Variants in TAFA5 observed in about 807,000 individuals in gnomAD.
TAFA5 encodes the protein TAFA chemokine like family member 5.
TAFA5 carries 6 observed loss-of-function variants against 15.3 expected under a neutral mutation model. The observed-to-expected ratio is 0.39, with a 90% CI of 0.21 to 0.77. TAFA5 has a LOEUF of 0.77. Ranked by LOEUF, TAFA5 falls within the 30% of genes least tolerant of loss-of-function variation. The pLI is 0.41. For missense variants in TAFA5, 161 were observed against 193.1 expected (o/e 0.83, Z 0.98); for synonymous variants, 103 against 80.7 (o/e 1.28, Z -1.48).
intron 2 of TAFA5, among the ~76,000 whole-genome samples, chr22:48,655,373 G>A (rs9617479): frequency 0.65 from 98,555 of 152,084 alleles, 32,692 homozygotes; most frequent in South Asian, 0.77. Flanking sequence ...TGGGTAATTT[G>A]TAAAGAAAAG....
At chr22:48,603,338 C>A (rs1232202225) in intron 1 of TAFA5, among the ~76,000 whole-genome samples, 3 of 152,246 alleles carry the variant, frequency 2.0e-5, no homozygotes, top group African/African-American at 7.2e-5. Context: ...AGATGAGATG[C>A]CCACCTGAGG....
rs559473394 is a variant in TAFA5, at chr22:48,567,314, TCCGAGGACTGCGGGTAGCAGGCTCCC to T, written c.112+77611_112+77636del. ...GGGCCCTCGTGTGTGCCCATCTGTT[TCCGAGGACTGCGGGTAGCAGGCTCCC>T]GCCCCAGGCTGAGTGCTTTCCTCCC... On this transcript the variant is annotated intron_variant, in intron 1 of 3. Coordinates refer to ENST00000402357, the MANE Select transcript of TAFA5 (RefSeq NM_001082967.3). Among the ~76,000 whole-genome samples the T allele has an allele frequency of 4.1e-3, 618 of 152,346 alleles. 3 individuals carry two copies. The highest frequency in any genetic ancestry group is 0.014 in the African/African-American group (595 of 41,590).
At chr22:48,567,334 G>A (rs1923440624) in intron 1 of TAFA5, among the ~76,000 whole-genome samples, 1 of 150,986 alleles carries the variant, frequency 6.6e-6, no homozygotes, top group Admixed American at 6.6e-5. Context: ...GCGGGTAGCA[G>A]GCTCCCGCCC....
At chr22:48,502,410 C>G (rs1003900574) in intron 1 of TAFA5, among the ~76,000 whole-genome samples, 3 of 127,170 alleles carry the variant, frequency 2.4e-5, no homozygotes, top group Non-Finnish European at 4.8e-5. Context: ...TCTGGGGGAG[C>G]TGGGAGTACT....
chr22:48,557,554 C>T (rs561161397), intron 1 of TAFA5, among the ~76,000 whole-genome samples: 2 of 152,330 alleles, frequency 1.3e-5, no homozygotes, highest in Admixed American at 6.5e-5. Flanking sequence ...GAGGTGACCA[C>T]GGCGGCTCCT....
At position 48,644,241 on chromosome 22, in the gene TAFA5, C is replaced by G. The variant is rs144559234; in HGVS notation, c.113-2356C>G. ...GGGGAGGGGGCCCCGAGCGGGGGACCAGGGTTTTGCTCATCGTGGGAGGGG... is the reference window on the plus strand; with the variant it reads ...GGGGAGGGGGCCCCGAGCGGGGGACGAGGGTTTTGCTCATCGTGGGAGGGG... On this transcript the variant is annotated intron_variant, in intron 1 of 3. Coordinates refer to ENST00000402357, the MANE Select transcript of TAFA5 (RefSeq NM_001082967.3). 2.1e-3 allele frequency among the ~76,000 whole-genome samples: 319 copies of G among 152,314 alleles called. 7 individuals carry two copies. In the East Asian group the frequency reaches 0.052, roughly 25 times the overall value.
At chr22:48,597,962 G>C (rs557375094) in intron 1 of TAFA5, among the ~76,000 whole-genome samples, 172 of 152,336 alleles carry the variant, frequency 1.1e-3, no homozygotes, top group Admixed American at 2.1e-3. Context: ...CCTCCATGGT[G>C]GGGGGAGTGT....
intron 3 of TAFA5, among the ~76,000 whole-genome samples, chr22:48,738,923 GCTC>G (rs908948798): frequency 3.9e-5 from 6 of 152,194 alleles, no homozygotes; most frequent in Non-Finnish European, 5.9e-5. Context: ...ATTGTCACCG[GCTC>G]CTCCTTTCAC....
intron 1 of TAFA5, among the ~76,000 whole-genome samples, chr22:48,574,840 G>C (rs1015153608): frequency 3.3e-5 from 5 of 152,212 alleles, no homozygotes; most frequent in Non-Finnish European, 2.9e-5. Flanking sequence ...CGGGGTTGGG[G>C]AGCAAAAGTG....
intron 1 of TAFA5, among the ~76,000 whole-genome samples, chr22:48,504,237 C>T (rs1221678071): frequency 1.3e-5 from 2 of 152,172 alleles, no homozygotes; most frequent in African/African-American, 2.4e-5. Context: ...CCCAGGGTGG[C>T]GTCCTGGGGG....
At chr22:48,565,151 T>A (rs957125131) in intron 1 of TAFA5, among the ~76,000 whole-genome samples, 1 of 152,156 alleles carries the variant, frequency 6.6e-6, no homozygotes, top group African/African-American at 2.4e-5. Context: ...CTCCCTGCCA[T>A]GTGAGGGCAT....
intron 1 of TAFA5, among the ~76,000 whole-genome samples, chr22:48,586,599 C>T (rs1924371222): frequency 2.0e-5 from 3 of 152,244 alleles, no homozygotes; most frequent in Admixed American, 2.0e-4. Flanking sequence ...AGGCACTGGC[C>T]ACAGGACTGC....
chr22:48,609,281 A>G (rs1925311188), intron 1 of TAFA5, among the ~76,000 whole-genome samples: 1 of 152,244 alleles, frequency 6.6e-6, no homozygotes, highest in African/African-American at 2.4e-5. Flanking sequence ...TTGGGGCAAC[A>G]TCCAGATGCC....
At chr22:48,684,507 A>G (rs1465890497) in intron 2 of TAFA5, among the ~76,000 whole-genome samples, 2 of 152,168 alleles carry the variant, frequency 1.3e-5, no homozygotes, top group African/African-American at 2.4e-5. Context: ...GAGGCTGGAC[A>G]CCCAGGACTC....
At chr22:48,586,180 G>A (rs899770723) in intron 1 of TAFA5, among the ~76,000 whole-genome samples, 7 of 152,260 alleles carry the variant, frequency 4.6e-5, no homozygotes, top group South Asian at 4.1e-4. Context: ...GAGGTCAAGG[G>A]AGGGTGCAGA....
intron 2 of TAFA5, among the ~76,000 whole-genome samples, chr22:48,660,799 C>G (rs1433794850): frequency 6.6e-6 from 1 of 152,164 alleles, no homozygotes; most frequent in Non-Finnish European, 1.5e-5. Context: ...GAGGAGGCTC[C>G]TCACCTTCTG....
chr22:48,591,720 A>G (rs745459013), intron 1 of TAFA5, among the ~76,000 whole-genome samples: 4 of 152,154 alleles, frequency 2.6e-5, no homozygotes, highest in Admixed American at 6.5e-5. Context: ...GGGAGGGGCC[A>G]TGGCCAGCTG....
chr22:48,634,109 TTCAC>T (rs575047019), intron 1 of TAFA5, among the ~76,000 whole-genome samples: 2 of 104,294 alleles, frequency 1.9e-5, no homozygotes, highest in Non-Finnish European at 3.7e-5. Flanking sequence ...TTCCTTGACG[TTCAC>T]TCACTCGCTC....
intron 2 of TAFA5, among the ~76,000 whole-genome samples, chr22:48,703,967 C>T (rs1041495068): frequency 6.6e-6 from 1 of 152,246 alleles, no homozygotes; most frequent in Admixed American, 6.5e-5. Context: ...CCAGTCCCTG[C>T]TTCTGGCTGT....
Sources: gnomAD v4.1 joint callset for allele counts (sites outside exome capture counted in the v4.1 genomes callset) on GRCh38, gnomAD v4.1.1 for gene constraint, MANE v1.5 for transcripts, NCBI Gene and HGNC (gene_info 2026-07-23, HGNC 2026-07-21) for gene names.